The following ZNF469 variants were observed in gnomAD, a reference collection of about 807,000 sequenced individuals.
ZNF469 encodes zinc finger protein 469.
A neutral mutation model predicts 1.0 loss-of-function variants in ZNF469; 1 was observed. That is an observed-to-expected ratio of 1.00 (90% CI 0.35 to 4.73). The LOEUF is 4.73. Among genes scored for constraint, ZNF469 ranks in the 30% most tolerant of loss-of-function variants. ZNF469 has a pLI of 0.16. For missense variants in ZNF469, 6,100 were observed against 5,356.3 expected (o/e 1.14, Z -4.33); for synonymous variants, 2,703 against 2,363.4 (o/e 1.14, Z -4.17).
chr16:88,436,909 A>G lies in ZNF469; in HGVS notation c.9439A>G (p.Met3147Val). The change falls in exon 3 of 3, where the codon ATG becomes GTG. Residue 3147 changes from methionine (M) to valine (V), a missense_variant. Coordinates refer to ENST00000565624, the MANE Select transcript of ZNF469 (RefSeq NM_001367624.2). ...GCCCGCGCCGCCGCCCACCTGCTAC[A>G]TGTGCGTGGAGCGCAGGTTTGGCTC... Reference protein sequence around the residue: ...HTPAPPPTCYMCVERRFGSRE... With the variant: ...HTPAPPPTCYVCVERRFGSRE... 6.7e-7 allele frequency: 1 copy of G among 1,501,090 alleles called. No homozygotes were observed. Among genetic ancestry groups the G allele is most frequent in the Middle Eastern group, 1.8e-4 (1 of 5,574 alleles). The allele number at this position is 1,501,090 out of a possible 1,614,324, so 93.0% of individuals were successfully genotyped here. A position where few individuals can be genotyped will look rare whatever the true frequency, so the allele number is the denominator to read the frequency against.
the ZNF469 span, chr16:88,194,644 C>T: frequency 6.6e-6 from 1 of 152,278 alleles, no homozygotes; most frequent in Non-Finnish European, 1.5e-5. Flanking sequence ...CCCGGCGTCT[C>T]CTTCCCCGTG....
chr16:88,251,536 G>GTGTTTTTTTTTTTTTTTTTTTTTT, the ZNF469 span, among the ~76,000 whole-genome samples: 4 of 78,808 alleles, frequency 5.1e-5, 1 homozygote, highest in Non-Finnish European at 9.3e-5. Context: ...TGTCCCTGCT[G>GTGTTTTTTTTTTTTTTTTTTTTTT]TCTTTTTTTT....
the ZNF469 span, among the ~76,000 whole-genome samples, chr16:88,345,606 T>C: frequency 2.0e-5 from 3 of 152,124 alleles, no homozygotes; most frequent in African/African-American, 7.2e-5. Context: ...CCTGGGCAGC[T>C]GTCCCCTCTG....
chr16:88,319,203 GCCCACACTGTC>G, the ZNF469 span, among the ~76,000 whole-genome samples: 1 of 152,138 alleles, frequency 6.6e-6, no homozygotes. Flanking sequence ...GTGTCTGGCT[GCCCACACTGTC>G]CCCCTTGGCC....
At chr16:88,235,802 G>T in the ZNF469 span, among the ~76,000 whole-genome samples, 1 of 152,248 alleles carries the variant, frequency 6.6e-6, no homozygotes, top group Admixed American at 6.5e-5. Context: ...GCTCCAGGGG[G>T]TCCTGAGGAC....
intron 1 of ZNF469, among the ~76,000 whole-genome samples, chr16:88,384,921 G>A (rs1334927991): frequency 6.6e-6 from 1 of 152,126 alleles, no homozygotes; most frequent in Admixed American, 6.5e-5. Context: ...ACAGCAGCCT[G>A]TTCCAGCCAT....
At chr16:88,330,123 G>A in the ZNF469 span, among the ~76,000 whole-genome samples, 1 of 152,276 alleles carries the variant, frequency 6.6e-6, no homozygotes, top group Admixed American at 6.5e-5. Flanking sequence ...TTCGGTTAGA[G>A]CGTTTCTCAT....
chr16:88,262,239 G>A, the ZNF469 span, among the ~76,000 whole-genome samples: 1 of 152,200 alleles, frequency 6.6e-6, no homozygotes, highest in Non-Finnish European at 1.5e-5. This position sits in a 1 kb window ranked among gnomAD's most constrained non-coding sequence, Gnocchi z 4.3. Context: ...GGAAATCTGT[G>A]CTGGAAATAA....
the ZNF469 span, among the ~76,000 whole-genome samples, chr16:88,111,741 ATCC>A: frequency 6.6e-6 from 1 of 152,052 alleles, no homozygotes; most frequent in Non-Finnish European, 1.5e-5. Flanking sequence ...GGTTCAAGCG[ATCC>A]TCCTGCTTCA....
chr16:88,375,303 G>C, the ZNF469 span, among the ~76,000 whole-genome samples: 1 of 152,354 alleles, frequency 6.6e-6, no homozygotes, highest in South Asian at 2.1e-4. Context: ...ACAAGGATGG[G>C]GAAACTGAGG....
rs182142450 is a variant in ZNF469 at position 88,413,358 on chromosome 16, G to A, written c.-191-11449G>A. ...CCCTTCACCCTCAAAACACCCACCT[G>A]TGGGCCCTGGAGGTGGCAGGAGGAA... On this transcript the variant is annotated intron_variant, in intron 1 of 2. Coordinates refer to ENST00000565624, the MANE Select transcript of ZNF469 (RefSeq NM_001367624.2). Among the ~76,000 whole-genome samples, 314 of 152,272 alleles carry A rather than the reference G, an allele frequency of 2.1e-3. 2 individuals carry two copies. The highest frequency in any genetic ancestry group is 7.2e-3 in the African/African-American group (298 of 41,570).
chr16:88,225,347 G>T, the ZNF469 span, among the ~76,000 whole-genome samples: 1 of 152,212 alleles, frequency 6.6e-6, no homozygotes. Context: ...GTTTAAACTT[G>T]AGACACAGTC....
the ZNF469 span, among the ~76,000 whole-genome samples, chr16:88,292,717 A>G: frequency 7.0e-6 from 1 of 141,858 alleles, no homozygotes; most frequent in East Asian, 2.2e-4. Context: ...AACTGTGCTC[A>G]TTACTTGCTC....
chr16:88,401,615 GTGGATGGATGGA>G (rs148034204), intron 1 of ZNF469, among the ~76,000 whole-genome samples: 2 of 145,158 alleles, frequency 1.4e-5, no homozygotes, highest in South Asian at 4.4e-4. Context: ...AGTTGGGTGA[GTGGATGGATGGA>G]TGGATGGATG....
chr16:88,333,732 G>T, the ZNF469 span, among the ~76,000 whole-genome samples: 59 of 134,486 alleles, frequency 4.4e-4, no homozygotes, highest in Non-Finnish European at 9.2e-4. Context: ...ATGCGGGCCC[G>T]CGAGGTGGGG....
chr16:88,102,329 C>T, the ZNF469 span, among the ~76,000 whole-genome samples: 58 of 152,230 alleles, frequency 3.8e-4, no homozygotes, highest in African/African-American at 1.4e-3. Context: ...AGCAGCCTGG[C>T]CAACATGGTG....
the ZNF469 span, among the ~76,000 whole-genome samples, chr16:88,317,326 G>A: frequency 6.6e-6 from 1 of 152,220 alleles, no homozygotes; most frequent in African/African-American, 2.4e-5. Context: ...CAGGGCAGAT[G>A]CTCACAGCAC....
the ZNF469 span, among the ~76,000 whole-genome samples, chr16:88,288,680 C>A: frequency 6.6e-6 from 1 of 152,162 alleles, no homozygotes; most frequent in Non-Finnish European, 1.5e-5. Flanking sequence ...CTCATGTAAC[C>A]CCTGTTGCAT....
the ZNF469 span, among the ~76,000 whole-genome samples, chr16:88,364,357 T>A: frequency 2.0e-5 from 3 of 152,198 alleles, no homozygotes; most frequent in Non-Finnish European, 2.9e-5. Context: ...TTCATTACTT[T>A]AACCTCACAG....
Sources: gnomAD v4.1 joint callset for allele counts (sites outside exome capture counted in the v4.1 genomes callset) on GRCh38, gnomAD v4.1.1 for gene constraint, Gnocchi (gnomAD v3.1) non-coding constraint, MANE v1.5 for transcripts, NCBI Gene and HGNC (gene_info 2026-07-23, HGNC 2026-07-21) for gene names.